BPIFB3: variants seen among roughly 807,000 people sequenced by gnomAD.
The protein encoded by BPIFB3 is BPI fold containing family B member 3, also known as BPI fold-containing family B member 3.
Under a neutral mutation model 53.1 loss-of-function variants are expected in BPIFB3, and 49 were observed. That is an observed-to-expected ratio of 0.92 (90% confidence interval 0.73 to 1.17). BPIFB3 has a LOEUF of 1.17. BPIFB3 is among the 50% of genes most tolerant of loss of function. The pLI, the probability that BPIFB3 is intolerant of heterozygous loss-of-function variation, is 0.00. For synonymous variants in BPIFB3, 271 were observed against 269.6 expected (o/e 1.01, Z -0.05); for missense variants, 628 against 592.5 (o/e 1.06, Z -0.62).
At chr20:33,057,610 C>T (rs974535496) in intron 2 of BPIFB3, among the ~76,000 whole-genome samples, 1 of 151,392 alleles carries the variant, frequency 6.6e-6, no homozygotes, top group Admixed American at 6.6e-5. Context: ...GATTCCAGAA[C>T]ACTCCTGCTG....
intron 3 of BPIFB3, 70 bp downstream of exon 4, chr20:33,059,552 C>A (rs1980357223): frequency 8.8e-7 from 1 of 1,135,964 alleles, no homozygotes; most frequent in Non-Finnish European, 1.3e-6. Context: ...GAGACTCCTA[C>A]TCTGCTGTCC....
At chr20:33,059,474 T>G in exon 3 of BPIFB3, 2 of 1,609,800 alleles carry the variant, frequency 1.2e-6, no homozygotes, top group Non-Finnish European at 8.5e-7. Flanking sequence ...TGGGCATGCA[T>G]TGCTCTGGGT....
intron 4 of BPIFB3, among the ~76,000 whole-genome samples, chr20:33,061,293 T>C (rs1980442583): frequency 6.6e-6 from 1 of 152,146 alleles, no homozygotes; most frequent in African/African-American, 2.4e-5. Flanking sequence ...CCCCATGGTC[T>C]CCAAACAGAC....
At chr20:33,071,001 A>G (rs1320566429) in intron 11 of BPIFB3, among the ~76,000 whole-genome samples, 1 of 152,090 alleles carries the variant, frequency 6.6e-6, no homozygotes, top group Non-Finnish European at 1.5e-5. Flanking sequence ...CCCAGGGTCA[A>G]ATAGCTGGGA....
intron 4 of BPIFB3, among the ~76,000 whole-genome samples, chr20:33,060,816 T>C (rs1334794494): frequency 6.6e-6 from 1 of 152,152 alleles, no homozygotes; most frequent in Non-Finnish European, 1.5e-5. Context: ...CTGCCCTCCT[T>C]GGCCTCACAA....
intron 6 of BPIFB3, among the ~76,000 whole-genome samples, chr20:33,064,158 C>A (rs551798571): frequency 6.6e-6 from 1 of 152,096 alleles, no homozygotes; most frequent in Non-Finnish European, 1.5e-5. Context: ...AACTTGGGGC[C>A]GGTATGTCTC....
Position 33,059,359 on chromosome 20 carries a change from T to C in BPIFB3, c.282-19T>C, listed in dbSNP as rs1317308302. The C allele has an allele frequency of 6.3e-7, 1 of 1,590,708 alleles. No homozygotes were observed. The highest frequency in any genetic ancestry group is 8.6e-7 in the Non-Finnish European group (1 of 1,165,494). On this transcript the variant is annotated intron_variant, in intron 2 of 14. Coordinates refer to ENST00000375494, the Ensembl canonical transcript of BPIFB3. Reference sequence around the variant, plus strand: ...GGATGTCTGGGAGTGAGCAACCCTCTCCCTGACTCCCATCCTAGTCTGAAG... The same window carrying C: ...GGATGTCTGGGAGTGAGCAACCCTCCCCCTGACTCCCATCCTAGTCTGAAG...
intron 6 of BPIFB3, among the ~76,000 whole-genome samples, chr20:33,064,233 A>G (rs1980571464): frequency 6.6e-6 from 1 of 152,238 alleles, no homozygotes; most frequent in African/African-American, 2.4e-5. Context: ...TCTGGAAAAC[A>G]GGAATCCTGG....
At chr20:33,059,747 G>T (rs1032095189) in intron 3 of BPIFB3, 144 bp from the exon 5 acceptor site, 1 of 1,219,792 alleles carries the variant, frequency 8.2e-7, no homozygotes, top group East Asian at 2.5e-5. Context: ...AGGGAAGAGG[G>T]TGCAGGGAAG....
intron 14 of BPIFB3, 128 bp from the exon 16 acceptor site, chr20:33,073,448 T>G: frequency 1.1e-6 from 1 of 870,404 alleles, no homozygotes. Context: ...CATTCATTTA[T>G]TCATTTAATG....
In BPIFB3 at chr20:33,059,566, CA is replaced by C. The variant is rs1258877339; in HGVS notation, c.386+85del. The C allele has an allele frequency of 1.9e-5, 19 of 982,874 alleles. No individual in the cohort carries two copies. In the East Asian group the frequency reaches 5.0e-4, roughly 26 times the overall value. The allele number at this position is 982,874 out of a possible 1,614,324, so 60.9% of individuals were successfully genotyped here. On this transcript the variant is annotated intron_variant, in intron 3 of 14. Transcript: ENST00000375494. Reference sequence around the variant, plus strand: ...GGAGACTCCTACTCTGCTGTCCCCCCACTCCCACCCCTCTGTATCCCCCATT... The same window carrying C: ...GGAGACTCCTACTCTGCTGTCCCCCCCTCCCACCCCTCTGTATCCCCCATT...
At chr20:33,072,026 C>G (rs1600546211) in intron 12 of BPIFB3, 78 bp from the exon 14 acceptor site, 1 of 1,495,438 alleles carries the variant, frequency 6.7e-7, no homozygotes, top group African/African-American at 1.4e-5. Context: ...GGGTTTCTCT[C>G]CCTGGGAACG....
rs963529600 is a variant in BPIFB3 at position 33,071,359 on chromosome 20, G to T, written c.1260+64G>T. The T allele has an allele frequency of 2.5e-5, 38 of 1,529,584 alleles. 2 individuals are homozygous for T. In the South Asian group the frequency reaches 4.3e-4, roughly 17 times the overall value. 94.8% of individuals were successfully genotyped at this position (1,529,584 alleles called of 1,614,324 possible). On this transcript the variant is annotated intron_variant, in intron 12 of 14. Coordinates refer to ENST00000375494, the Ensembl canonical transcript of BPIFB3. The stretch of plus-strand genomic sequence containing the variant: ...GAGTCTTCAGGTGTGGCATGGAAAG[G>T]GGGTGGCCATGAGTCATGGGCCATA...
exon 2 of BPIFB3, chr20:33,056,662 A>T (rs756428335): frequency 6.2e-7 from 1 of 1,610,974 alleles, no homozygotes; most frequent in East Asian, 2.2e-5. Flanking sequence ...TTGCTGGGCC[A>T]CGGAGGGGTT....
intron 1 of BPIFB3, 51 bp from the exon 3 acceptor site, chr20:33,056,490 TG>T: frequency 6.2e-7 from 1 of 1,604,722 alleles, no homozygotes. Flanking sequence ...GCCATGGTCC[TG>T]GGGGTGAGGT....
chr20:33,066,356 A>G (rs1330617349), intron 8 of BPIFB3, among the ~76,000 whole-genome samples: 2 of 152,228 alleles, frequency 1.3e-5, no homozygotes, highest in African/African-American at 4.8e-5. Context: ...CTGATTTATA[A>G]ATACTAGAAA....
chr20:33,073,731 A>G (rs531472186), downstream of BPIFB3: 170 of 1,145,952 alleles, frequency 1.5e-4, 2 homozygotes, highest in South Asian at 2.4e-3. Context: ...GCCCTGAAGC[A>G]CTACTCCAAG....
At chr20:33,064,641 T>A (rs1339861836) in intron 7 of BPIFB3, 25 bp from the exon 9 acceptor site, 19 of 1,613,120 alleles carry the variant, frequency 1.2e-5, no homozygotes, top group Non-Finnish European at 1.6e-5. Context: ...AAGACCCTCC[T>A]CGGCCCTGTT....
At chr20:33,060,220 C>T (rs1164627457) in intron 4 of BPIFB3, among the ~76,000 whole-genome samples, 189 bp downstream of exon 5, 3 of 152,228 alleles carry the variant, frequency 2.0e-5, no homozygotes, top group East Asian at 1.9e-4. Context: ...ACAGGGACTC[C>T]GGCTTAATCC....
Sources: gnomAD v4.1 joint callset for allele counts (sites outside exome capture counted in the v4.1 genomes callset) on GRCh38, gnomAD v4.1.1 for gene constraint, MANE v1.5 for transcripts, NCBI Gene and HGNC (gene_info 2026-07-23, HGNC 2026-07-21) for gene names.